SEM1: variants seen among roughly 807,000 people sequenced by gnomAD.
SEM1 encodes 26S proteasome complex subunit SEM1.
In SEM1, 3 loss-of-function variants were observed where a neutral mutation model predicts 12.7. The observed-to-expected ratio is 0.24, with a 90% CI of 0.11 to 0.61. SEM1 has a LOEUF of 0.61. Among genes scored for constraint, SEM1 ranks in the 20% least tolerant of loss-of-function variants. SEM1 has a pLI of 0.88. For missense variants in SEM1, 59 were observed against 81.3 expected, an observed-to-expected ratio of 0.73 and a Z score of 1.06; for synonymous variants, 30 against 27.8, an observed-to-expected ratio of 1.08 and a Z score of -0.25.
At chr7:96,619,056 T>C (rs573241356), downstream of SEM1, among the ~76,000 whole-genome samples, 3 of 152,242 alleles carry the variant, frequency 2.0e-5, no homozygotes, top group East Asian at 5.8e-4. Context: ...CTAATTAAGC[T>C]TCTTCGAAAT....
chr7:96,486,279 G>C lies in SEM1; in HGVS notation c.151C>G (p.Pro51Ala), dbSNP rs770304353. Residue 51 changes from proline (P) to alanine (A), a missense_variant, in exon 2 of 4, where the codon CCG becomes GCG. By Grantham distance (27) the Pro-to-Ala change is conservative (BLOSUM62 -1). Coordinates refer to the SEM1 transcript ENST00000356686. ...TTTATCTGTTGCTTTGCAAAGGCCGGATGCTTACTCTCATGGATCCAGGGT... is the reference window on the plus strand; with the variant it reads ...TTTATCTGTTGCTTTGCAAAGGCCGCATGCTTACTCTCATGGATCCAGGGT... 2.6e-6 allele frequency: 4 copies of C among 1,537,094 alleles called. No individual in the cohort carries two copies. The South Asian group carries it at 4.8e-5, about 18-fold the overall frequency.
chr7:96,530,918 C>T (rs1804618827), intron 2 of SEM1, among the ~76,000 whole-genome samples: 1 of 152,018 alleles, frequency 6.6e-6, no homozygotes, highest in Non-Finnish European at 1.5e-5. Context: ...TCTTAAAGAA[C>T]ATGATCATCA....
chr7:96,620,596 G>A (rs986966111), downstream of SEM1, among the ~76,000 whole-genome samples: 65 of 152,174 alleles, frequency 4.3e-4, no homozygotes, highest in African/African-American at 1.4e-3. Context: ...CCACACCCGC[G>A]AGCCTCTCCT....
At chr7:96,491,475 G>A (rs1239038009) in intron 1 of SEM1, among the ~76,000 whole-genome samples, 1 of 152,150 alleles carries the variant, frequency 6.6e-6, no homozygotes, top group African/African-American at 2.4e-5. Context: ...GAACTTGGAA[G>A]TTTTCTCACA....
chr7:96,626,622 C>T (rs1406197890), intron 2 of SEM1, among the ~76,000 whole-genome samples: 1 of 152,020 alleles, frequency 6.6e-6, no homozygotes, highest in African/African-American at 2.4e-5. Context: ...TCCTTGAATA[C>T]TAAGGATAAA....
downstream of SEM1, among the ~76,000 whole-genome samples, chr7:96,683,874 T>C (rs1789688943): frequency 6.6e-6 from 1 of 152,052 alleles, no homozygotes; most frequent in African/African-American, 2.4e-5. Flanking sequence ...CTGGAGTCTG[T>C]CAGGGGGTGG....
chr7:96,672,516 G>A (rs570862650), downstream of SEM1: 6 of 152,172 alleles, frequency 3.9e-5, no homozygotes, highest in Admixed American at 2.0e-4. Flanking sequence ...TTGGGCACTG[G>A]AGAAGGGGTA....
intron 2 of SEM1, among the ~76,000 whole-genome samples, chr7:96,693,976 C>T (rs896916007): frequency 7.3e-5 from 11 of 151,586 alleles, no homozygotes; most frequent in Non-Finnish European, 5.9e-5. Flanking sequence ...TTGGAATATA[C>T]AATATGGAAC....
At chr7:96,514,457 G>C (rs2115571467) in intron 2 of SEM1, among the ~76,000 whole-genome samples, 1 of 152,096 alleles carries the variant, frequency 6.6e-6, no homozygotes, top group Admixed American at 6.6e-5. Flanking sequence ...ATATACAGAT[G>C]GGAAAGAAGA....
intron 2 of SEM1, among the ~76,000 whole-genome samples, chr7:96,525,250 G>A (rs1459633012): frequency 2.8e-5 from 4 of 144,538 alleles, no homozygotes; most frequent in Non-Finnish European, 6.0e-5. Flanking sequence ...ATCTTGTCTA[G>A]TCCTGACTCC....
At chr7:96,564,166 T>A (rs1439733291) in intron 2 of SEM1, among the ~76,000 whole-genome samples, 1 of 152,136 alleles carries the variant, frequency 6.6e-6, no homozygotes, top group Non-Finnish European at 1.5e-5. Flanking sequence ...TTATTTATTA[T>A]ATTCTATTTC....
intron 2 of SEM1, among the ~76,000 whole-genome samples, chr7:96,630,472 C>G (rs927134139): frequency 1.3e-5 from 2 of 152,134 alleles, no homozygotes; most frequent in African/African-American, 2.4e-5. Context: ...GGCCTAACAG[C>G]TCTTCAGTCA....
intron 2 of SEM1, among the ~76,000 whole-genome samples, chr7:96,560,267 C>T (rs1435678204): frequency 1.3e-5 from 2 of 152,140 alleles, no homozygotes; most frequent in African/African-American, 4.8e-5. Flanking sequence ...TGCTCCTTCT[C>T]AGAGTTTGCA....
intron 1 of SEM1, among the ~76,000 whole-genome samples, chr7:96,494,550 A>G (rs1803162580): frequency 1.3e-5 from 2 of 152,198 alleles, no homozygotes; most frequent in South Asian, 4.1e-4. Context: ...TTCTGTAAGC[A>G]GACATGACAT....
chr7:96,499,240 T>A (rs1431792229), upstream of SEM1, among the ~76,000 whole-genome samples: 1 of 152,200 alleles, frequency 6.6e-6, no homozygotes, highest in East Asian at 1.9e-4. Flanking sequence ...AATGTCCTTA[T>A]ACTAAGACTA....
chr7:96,494,111 A>G (rs1803140017), intron 1 of SEM1, among the ~76,000 whole-genome samples: 1 of 152,196 alleles, frequency 6.6e-6, no homozygotes, highest in Non-Finnish European at 1.5e-5. Context: ...CTTTACACCT[A>G]GGAAGAAATC....
At chr7:96,571,896 T>C (rs1476149159) in intron 2 of SEM1, among the ~76,000 whole-genome samples, 2 of 151,998 alleles carry the variant, frequency 1.3e-5, no homozygotes, top group African/African-American at 4.8e-5. Context: ...AGAACTGGGC[T>C]GTGAATCCGT....
rs575640921 is a variant in SEM1 at position 96,503,932 on chromosome 7, C to A, written c.*60+2691G>T. On this transcript the variant is annotated intron_variant and NMD_transcript_variant, in intron 3 of 3. Coordinates refer to the SEM1 transcript ENST00000466986. ...GCCCAAGTATCCAGTTCACAGAGAT[C>A]CTGCAGTGCTCACAGCTGCTCACTT... 2.0e-5 allele frequency among the ~76,000 whole-genome samples: 3 copies of A among 152,104 alleles called. No homozygotes were observed. In the East Asian group the frequency reaches 5.8e-4, roughly 29 times the overall value.
At chr7:96,574,346 C>T (rs1486239332) in intron 2 of SEM1, among the ~76,000 whole-genome samples, 2 of 152,046 alleles carry the variant, frequency 1.3e-5, no homozygotes, top group African/African-American at 2.4e-5. Context: ...TGATGGACAT[C>T]TGGGTTGGTT....
Sources: allele counts gnomAD v4.1 joint callset (sites outside exome capture counted in the v4.1 genomes callset), GRCh38; gene constraint gnomAD v4.1.1; transcripts MANE v1.5; gene names NCBI Gene and HGNC (gene_info 2026-07-23, HGNC 2026-07-21).